Variants in TAFA2 observed in about 807,000 individuals in gnomAD.
TAFA2 encodes TAFA chemokine like family member 2.
TAFA2 carries 7 observed loss-of-function variants against 18.8 expected under a neutral mutation model. The observed-to-expected ratio is 0.37, with a 90% confidence interval of 0.21 to 0.70. The LOEUF (loss-of-function observed/expected upper bound fraction) is 0.70. Among genes scored for constraint, TAFA2 ranks in the 30% least tolerant of loss-of-function variants. The pLI, the probability that TAFA2 is intolerant of heterozygous loss-of-function variation, is 0.53. For synonymous variants in TAFA2, 60 were observed against 54.2 expected (o/e 1.11, Z -0.47); for missense variants, 122 against 158.1 (o/e 0.77, Z 1.23).
At chr12:61,850,015 T>C (rs1036608642) in intron 2 of TAFA2, among the ~76,000 whole-genome samples, 4 of 152,128 alleles carry the variant, frequency 2.6e-5, no homozygotes, top group Non-Finnish European at 4.4e-5. Context: ...AAGAACTGAC[T>C]AACTCTAGGT....
chr12:62,133,967 A>G (rs1004063925), intron 1 of TAFA2, among the ~76,000 whole-genome samples: 1 of 152,006 alleles, frequency 6.6e-6, no homozygotes, highest in African/African-American at 2.4e-5. Context: ...TCATCTCACG[A>G]TACTCTACTC....
intron 1 of TAFA2, among the ~76,000 whole-genome samples, chr12:62,166,453 C>T (rs2062440555): frequency 6.6e-6 from 1 of 152,122 alleles, no homozygotes; most frequent in African/African-American, 2.4e-5. Flanking sequence ...ATTTTTGTTG[C>T]ACTATTTAAT....
intron 1 of TAFA2, among the ~76,000 whole-genome samples, chr12:62,206,724 C>A (rs2062693027): frequency 6.6e-6 from 1 of 152,138 alleles, no homozygotes; most frequent in African/African-American, 2.4e-5. Flanking sequence ...GTGGTCCTCC[C>A]ACCTTGGCCT....
At chr12:61,737,223 A>G (rs1868318920) in intron 4 of TAFA2, among the ~76,000 whole-genome samples, 2 of 151,936 alleles carry the variant, frequency 1.3e-5, no homozygotes, top group South Asian at 2.1e-4. Context: ...CAGTTTACCA[A>G]CGAGATTTTT....
chr12:61,925,842 A>G (rs1364365832), intron 1 of TAFA2, among the ~76,000 whole-genome samples: 1 of 152,176 alleles, frequency 6.6e-6, no homozygotes, highest in African/African-American at 2.4e-5. Context: ...ACAAGAAATA[A>G]CTAAGATCAG....
intron 1 of TAFA2, among the ~76,000 whole-genome samples, chr12:61,921,654 A>T (rs113174882): frequency 6.6e-6 from 1 of 152,162 alleles, no homozygotes; most frequent in Non-Finnish European, 1.5e-5. Flanking sequence ...TAATTCTGCA[A>T]TTAGAATTGT....
intron 1 of TAFA2, among the ~76,000 whole-genome samples, chr12:62,010,396 G>T (rs1880697681): frequency 6.6e-6 from 1 of 152,086 alleles, no homozygotes; most frequent in Non-Finnish European, 1.5e-5. Context: ...GACCTCGAGT[G>T]GTCTGCCCAC....
chr12:61,984,228 A>T (rs1450821087), intron 1 of TAFA2, among the ~76,000 whole-genome samples: 3 of 152,378 alleles, frequency 2.0e-5, no homozygotes, highest in East Asian at 1.9e-4. Context: ...AGGTATTCAA[A>T]TATTTGTAGA....
intron 1 of TAFA2, among the ~76,000 whole-genome samples, chr12:61,978,923 A>G (rs1409218807): frequency 6.6e-6 from 1 of 152,098 alleles, no homozygotes; most frequent in Non-Finnish European, 1.5e-5. Context: ...GGAGTGATCA[A>G]TATGTCTTTA....
intron 1 of TAFA2, among the ~76,000 whole-genome samples, chr12:61,891,127 A>G (rs1427655459): frequency 6.6e-6 from 1 of 152,232 alleles, no homozygotes; most frequent in Non-Finnish European, 1.5e-5. Flanking sequence ...AGAAGGGAGA[A>G]AATAAATGAA....
At chr12:62,026,413 C>T (rs1431254438) in intron 1 of TAFA2, among the ~76,000 whole-genome samples, 1 of 152,050 alleles carries the variant, frequency 6.6e-6, no homozygotes, top group Middle Eastern at 3.2e-3. Flanking sequence ...TTTTTTCTTG[C>T]TGATACAAAC....
In TAFA2 at chr12:61,965,909, T is replaced by C. The variant is rs189697573; in HGVS notation, c.-1-98483A>G. ...ATTTGTCTCTGAGTTAAAGGCTAAATAAAATCTATAATGGACCTAGAAATT... is the reference window on the plus strand; with the variant it reads ...ATTTGTCTCTGAGTTAAAGGCTAAACAAAATCTATAATGGACCTAGAAATT... On this transcript the variant is annotated intron_variant, in intron 1 of 4. Transcript: ENST00000416284. Among the ~76,000 whole-genome samples the C allele has an allele frequency of 2.1e-3, 326 of 151,914 alleles. 2 individuals carry two copies. The highest frequency in any genetic ancestry group is 7.5e-3 in the African/African-American group (310 of 41,498).
At chr12:62,183,516 T>C (rs2062564988) in intron 1 of TAFA2, among the ~76,000 whole-genome samples, 1 of 152,184 alleles carries the variant, frequency 6.6e-6, no homozygotes, top group South Asian at 2.1e-4. Flanking sequence ...CCCCAGTAGC[T>C]GGGACTACAG....
At chr12:61,940,006 A>G (rs550808177) in intron 1 of TAFA2, among the ~76,000 whole-genome samples, 36 of 152,240 alleles carry the variant, frequency 2.4e-4, no homozygotes, top group African/African-American at 8.4e-4. Flanking sequence ...CTTTCTGGAT[A>G]ATGTATTTAA....
At chr12:62,235,285 A>G in intron 1 of TAFA2, 1 of 667,564 alleles carries the variant, frequency 1.5e-6, no homozygotes, top group Non-Finnish European at 2.8e-6. Context: ...ATCTTCCCTG[A>G]TGCCTCAACA....
At position 62,042,326 on chromosome 12, in the gene TAFA2, T is replaced by C. The variant is rs1043555729; in HGVS notation, c.-2+148933A>G. Among the ~76,000 whole-genome samples, 4 of 152,050 alleles carry C rather than the reference T, an allele frequency of 2.6e-5. 1 individual carries two copies. Among genetic ancestry groups the C allele is most frequent in the Admixed American group, 2.0e-4 (3 of 15,250 alleles). On this transcript the variant is annotated intron_variant, in intron 1 of 4. Transcript: ENST00000416284. ...CAAACAGAAACAGCATAAGTCTCCT[T>C]GGCTGCTAATCCAGTTCAGGTGCTT...
chr12:62,202,403 A>G (rs1181963512), intron 1 of TAFA2, among the ~76,000 whole-genome samples: 2 of 151,494 alleles, frequency 1.3e-5, no homozygotes, highest in Non-Finnish European at 2.9e-5. Flanking sequence ...CTGGAGTGCA[A>G]TGATACGATC....
chr12:62,243,208 T>A (rs1453498491), intron 1 of TAFA2, among the ~76,000 whole-genome samples: 1 of 152,206 alleles, frequency 6.6e-6, no homozygotes, highest in Non-Finnish European at 1.5e-5. Flanking sequence ...TATTTTTATA[T>A]TGAGACAATG....
At chr12:61,871,410 A>G (rs1565663699) in intron 1 of TAFA2, among the ~76,000 whole-genome samples, 1 of 152,342 alleles carries the variant, frequency 6.6e-6, no homozygotes, top group East Asian at 1.9e-4. Flanking sequence ...GCACAGAAAT[A>G]CTGAATGTGG....
Sources: gnomAD v4.1 joint callset for allele counts (sites outside exome capture counted in the v4.1 genomes callset) on GRCh38, gnomAD v4.1.1 for gene constraint, MANE v1.5 for transcripts, NCBI Gene and HGNC (gene_info 2026-07-23, HGNC 2026-07-21) for gene names.